ELOVL2: variants seen among roughly 807,000 people sequenced by gnomAD.
ELOVL2 encodes ELOVL fatty acid elongase 2, also known as very long chain fatty acid elongase 2.
Under a neutral mutation model 37.7 loss-of-function variants are expected in ELOVL2, and 38 were observed. That is an observed-to-expected ratio of 1.01 (90% CI 0.78 to 1.32). The LOEUF (loss-of-function observed/expected upper bound fraction) is 1.32, where lower values mean the gene tolerates loss of function less well. ELOVL2 is among the 40% of genes most tolerant of loss of function. ELOVL2 has a pLI of 0.00. For missense variants in ELOVL2, 352 were observed against 363.6 expected (o/e 0.97, Z 0.26); for synonymous variants, 115 against 122.3 (o/e 0.94, Z 0.40).
At chr6:11,011,828 C>T (rs547957213) in intron 1 of ELOVL2, among the ~76,000 whole-genome samples, 1 of 152,186 alleles carries the variant, frequency 6.6e-6, no homozygotes, top group East Asian at 1.9e-4. Flanking sequence ...TTCCCAGCTC[C>T]GCCACAGAGG....
intron 2 of ELOVL2, among the ~76,000 whole-genome samples, chr6:11,007,315 T>C (rs1387831462): frequency 6.6e-6 from 1 of 152,166 alleles, no homozygotes; most frequent in Non-Finnish European, 1.5e-5. Context: ...ATAATATAGC[T>C]AAGATGAGGT....
At chr6:11,035,026 AAAT>A (rs1247459550) in intron 1 of ELOVL2, among the ~76,000 whole-genome samples, 1 of 152,118 alleles carries the variant, frequency 6.6e-6, no homozygotes, top group African/African-American at 2.4e-5. Flanking sequence ...TAAATAAATA[AAAT>A]AATAATTAAA....
chr6:10,989,801 C>T lies in ELOVL2; in HGVS notation c.667G>A (p.Ala223Thr), dbSNP rs753752578. The change falls in exon 7 of 8, where the codon GCC becomes ACC. Residue 223 changes from alanine (A) to threonine (T), a missense_variant. Ala to Thr is a moderately conservative substitution (Grantham distance 58). Coordinates refer to ENST00000354666, the MANE Select transcript of ELOVL2 (RefSeq NM_017770.4). ...FVLTITHTMS[A>T]VVKPCGFPFG... ...GGGAAGCCACACGGTTTCACGACGGCGCTCATGGTGTGCGTGATGGTGAGC... is the reference window on the plus strand; with the variant it reads ...GGGAAGCCACACGGTTTCACGACGGTGCTCATGGTGTGCGTGATGGTGAGC... 8.1e-6 allele frequency: 13 copies of T among 1,614,016 alleles called. No homozygotes were observed. Among genetic ancestry groups the T allele is most frequent in the East Asian group, 2.2e-5 (1 of 44,892 alleles).
chr6:11,024,276 G>C (rs1430603731), intron 1 of ELOVL2, among the ~76,000 whole-genome samples: 1 of 152,158 alleles, frequency 6.6e-6, no homozygotes, highest in African/African-American at 2.4e-5. Context: ...TTGGCATTGT[G>C]TCACACACAA....
intron 1 of ELOVL2, among the ~76,000 whole-genome samples, chr6:11,018,055 G>A (rs1401125174): frequency 2.0e-5 from 3 of 152,030 alleles, no homozygotes; most frequent in Admixed American, 1.3e-4. Flanking sequence ...AATTCTCAGG[G>A]TCAACTGGAT....
At chr6:11,028,068 C>G (rs1318290759) in intron 1 of ELOVL2, among the ~76,000 whole-genome samples, 2 of 152,140 alleles carry the variant, frequency 1.3e-5, no homozygotes, top group Non-Finnish European at 2.9e-5. Context: ...GCCATTCCTC[C>G]AAATGGGTCT....
chr6:11,038,528 A>G, intron 1 of ELOVL2, among the ~76,000 whole-genome samples: 1 of 152,152 alleles, frequency 6.6e-6, no homozygotes, highest in Admixed American at 6.5e-5. Flanking sequence ...TTACTCAGCA[A>G]ATCCATATAT....
chr6:11,007,544 G>A (rs1266287721), intron 2 of ELOVL2, among the ~76,000 whole-genome samples: 1 of 152,166 alleles, frequency 6.6e-6, no homozygotes, highest in African/African-American at 2.4e-5. Context: ...GAGGGAACAA[G>A]GCTCTGCTGA....
Position 11,044,297 on chromosome 6 carries a change from C to T in ELOVL2, c.-67G>A. The T allele has an allele frequency of 2.2e-5, 27 of 1,231,120 alleles. No homozygotes were observed. The highest frequency in any genetic ancestry group is 2.6e-5 in the Non-Finnish European group (26 of 984,306). The allele number at this position is 1,231,120 out of a possible 1,614,324, so 76.3% of individuals were successfully genotyped here. Reference sequence around the variant, plus strand: ...ATGCGCTGTCCAGGGTAGCCGGGTCCCTCTGCCCGGCGCTATCTCGGCGCC... The same window carrying T: ...ATGCGCTGTCCAGGGTAGCCGGGTCTCTCTGCCCGGCGCTATCTCGGCGCC... On this transcript the variant is annotated 5_prime_UTR_variant, in exon 1 of 8. Coordinates refer to ENST00000354666, the MANE Select transcript of ELOVL2 (RefSeq NM_017770.4). The surrounding 1 kb of genome is among the most constrained non-coding windows in gnomAD (Gnocchi z 5.6).
chr6:11,000,205 A>G (rs745913230), intron 3 of ELOVL2, 41 bp from the exon 4 acceptor site: 2 of 1,575,452 alleles, frequency 1.3e-6, no homozygotes, highest in Non-Finnish European at 8.7e-7. Context: ...AAACATCAGC[A>G]CAAGAATTTG....
intron 5 of ELOVL2, among the ~76,000 whole-genome samples, chr6:10,991,797 C>G (rs967962168): frequency 6.6e-6 from 1 of 152,164 alleles, no homozygotes; most frequent in African/African-American, 2.4e-5. Flanking sequence ...CTTTTCATTT[C>G]CATCAATTAA....
chr6:11,019,483 A>G (rs1334542582), intron 1 of ELOVL2, among the ~76,000 whole-genome samples: 1 of 152,240 alleles, frequency 6.6e-6, no homozygotes, highest in African/African-American at 2.4e-5. Context: ...ATCAGATAAC[A>G]TAAAGCACAA....
intron 7 of ELOVL2, among the ~76,000 whole-genome samples, chr6:10,984,359 T>C (rs951735382): frequency 3.3e-5 from 5 of 152,078 alleles, no homozygotes; most frequent in Non-Finnish European, 7.4e-5. Context: ...TTATATATTA[T>C]ATTTTTTATT....
chr6:10,991,354 G>A (rs1018843660), intron 5 of ELOVL2, among the ~76,000 whole-genome samples: 1 of 152,200 alleles, frequency 6.6e-6, no homozygotes, highest in Non-Finnish European at 1.5e-5. Flanking sequence ...TGGCTGTTCT[G>A]CGAGCTATCC....
At chr6:11,036,005 G>C (rs1782999432) in intron 1 of ELOVL2, among the ~76,000 whole-genome samples, 1 of 152,158 alleles carries the variant, frequency 6.6e-6, no homozygotes, top group Admixed American at 6.5e-5. Flanking sequence ...TCAACGTAGA[G>C]AGCATATTTC....
At chr6:10,998,507 AATCAGT>A (rs1276403994) in intron 4 of ELOVL2, among the ~76,000 whole-genome samples, 19 of 152,156 alleles carry the variant, frequency 1.2e-4, no homozygotes, top group African/African-American at 4.6e-4. Flanking sequence ...GAGCTTTTAC[AATCAGT>A]ATCATTTTAA....
intron 5 of ELOVL2, among the ~76,000 whole-genome samples, chr6:10,991,127 A>G (rs551645931): frequency 8.9e-4 from 135 of 152,368 alleles, no homozygotes; most frequent in Non-Finnish European, 1.6e-3. Context: ...CCATAGGTGA[A>G]TAAGGCTTCA....
At chr6:11,012,970 A>C (rs1782609781) in intron 1 of ELOVL2, among the ~76,000 whole-genome samples, 1 of 152,248 alleles carries the variant, frequency 6.6e-6, no homozygotes, top group Non-Finnish European at 1.5e-5. Flanking sequence ...ACTTTAATTT[A>C]GATCTCTTAA....
intron 1 of ELOVL2, among the ~76,000 whole-genome samples, chr6:11,039,815 T>C (rs1005817486): frequency 7.2e-5 from 11 of 152,196 alleles, no homozygotes; most frequent in Non-Finnish European, 1.6e-4. Context: ...ATTATACTTC[T>C]CTGGATATTT....
Sources: gnomAD v4.1 joint callset for allele counts (sites outside exome capture counted in the v4.1 genomes callset) on GRCh38, gnomAD v4.1.1 for gene constraint, Gnocchi (gnomAD v3.1) non-coding constraint, MANE v1.5 for transcripts, NCBI Gene and HGNC (gene_info 2026-07-23, HGNC 2026-07-21) for gene names.